The following PTPRU variants were observed in gnomAD, a reference collection of about 807,000 sequenced individuals.
PTPRU encodes the protein receptor-type tyrosine-protein phosphatase U.
Under a neutral mutation model 166.3 loss-of-function variants are expected in PTPRU, and 69 were observed. The ratio of observed to expected loss-of-function variants is 0.41; its 90% confidence interval spans 0.34 to 0.51. PTPRU has a LOEUF of 0.51. PTPRU is among the 20% of genes least tolerant of loss of function. The pLI, the probability that PTPRU is intolerant of heterozygous loss-of-function variation, is 0.09. For synonymous variants in PTPRU, 793 were observed against 814.0 expected (o/e 0.97, Z 0.44); for missense variants, 1,657 against 2,013.7 (o/e 0.82, Z 3.39).
At chr1:29,297,459 G>A (rs1686944409) in intron 15 of PTPRU, among the ~76,000 whole-genome samples, 1 of 152,160 alleles carries the variant, frequency 6.6e-6, no homozygotes, top group Admixed American at 6.5e-5. Context: ...GGCAGAGTCA[G>A]GACTTAAATG....
At chr1:29,298,162 G>A (rs1686974795) in intron 15 of PTPRU, among the ~76,000 whole-genome samples, 1 of 151,744 alleles carries the variant, frequency 6.6e-6, no homozygotes, top group African/African-American at 2.4e-5. Flanking sequence ...GGAGGCTGAG[G>A]CACAAGAATT....
chr1:29,251,386 G>C (rs1263417455), intron 1 of PTPRU, among the ~76,000 whole-genome samples: 1 of 152,198 alleles, frequency 6.6e-6, no homozygotes, highest in Non-Finnish European at 1.5e-5. Context: ...ACTGTGGCTG[G>C]GGTGTGCAGG....
intron 1 of PTPRU, among the ~76,000 whole-genome samples, chr1:29,251,081 C>T (rs1021625682): frequency 8.5e-5 from 13 of 152,138 alleles, no homozygotes; most frequent in African/African-American, 2.2e-4. Flanking sequence ...GTGACATCCC[C>T]ATCTCTACTA....
Position 29,259,285 on chromosome 1 carries a change from C to G in PTPRU, c.502C>G (p.Pro168Ala), listed in dbSNP as rs766389325. 7 of 1,614,068 alleles carry G rather than the reference C, an allele frequency of 4.3e-6. No individual in the cohort carries two copies. The East Asian group carries it at 1.3e-4, about 31-fold the overall frequency. The change falls in exon 4 of 30, where the codon CCA becomes GCA. Residue 168 changes from proline to alanine, a missense_variant. Transcript: ENST00000373779. The stretch of plus-strand genomic sequence containing the variant: ...GGTGCTGTTTGAGGCCCTCATCTCC[C>G]CAGACCGCAGGGGCTACATGGGCCT... ...YQVLFEALIS[P>A]DRRGYMGLDD...
Position 29,325,824 on chromosome 1 carries a change from G to A in PTPRU, c.*163G>A. On this transcript the variant is annotated 3_prime_UTR_variant, in exon 30 of 30. Coordinates refer to ENST00000373779, the MANE Select transcript of PTPRU (RefSeq NM_133178.4). ...TTGCTCCCCCTTCCACTGTGGGCAG[G>A]GCCTTTCGCTTGTCCCATGGGCGGG... The A allele has an allele frequency of 1.3e-6, 1 of 795,064 alleles. No homozygotes were observed. The highest frequency in any genetic ancestry group is 2.0e-5 in the South Asian group (1 of 50,438). The allele number at this position is 795,064 out of a possible 1,614,324, so 49.3% of individuals were successfully genotyped here.
chr1:29,301,345 T>A (rs1687124433), intron 15 of PTPRU, among the ~76,000 whole-genome samples: 1 of 152,218 alleles, frequency 6.6e-6, no homozygotes, highest in African/African-American at 2.4e-5. Context: ...GTGCAATGCA[T>A]TATTCACTTG....
intron 7 of PTPRU, among the ~76,000 whole-genome samples, chr1:29,261,722 A>G (rs1281000994): frequency 6.6e-6 from 1 of 152,066 alleles, no homozygotes; most frequent in Non-Finnish European, 1.5e-5. Flanking sequence ...TACTGGAGAC[A>G]GAGTTTCACC....
Position 29,294,008 on chromosome 1 carries a change from T to C in PTPRU, c.2476+1982T>C, listed in dbSNP as rs527663674. ...CATTCTGCCATCCATGGGCATTCGA[T>C]TGGTTTTTAGTTTTCTTGTTATCAC... is the stretch of plus-strand genomic sequence containing the variant. On this transcript the variant is annotated intron_variant, in intron 15 of 29. Coordinates refer to ENST00000373779, the MANE Select transcript of PTPRU (RefSeq NM_133178.4). Among the ~76,000 whole-genome samples the C allele has an allele frequency of 9.8e-5, 15 of 152,324 alleles. No homozygotes were observed. In the East Asian group the frequency reaches 2.5e-3, roughly 25 times the overall value.
At chr1:29,275,420 T>C (rs769676100) in intron 7 of PTPRU, 28 bp from the exon 8 acceptor site, 3 of 1,573,778 alleles carry the variant, frequency 1.9e-6, no homozygotes, top group Non-Finnish European at 2.6e-6. Flanking sequence ...TCTTCTAACT[T>C]CTTCTCTCTG....
intron 1 of PTPRU, among the ~76,000 whole-genome samples, chr1:29,249,177 C>T (rs1036975636): frequency 2.6e-5 from 4 of 152,152 alleles, no homozygotes; most frequent in African/African-American, 4.8e-5. Flanking sequence ...CACACGCACA[C>T]CTGCACACAC....
Position 29,315,560 on chromosome 1 carries a change from C to T in PTPRU, c.3363+53C>T. 6.2e-7 allele frequency: 1 copy of T among 1,608,658 alleles called. No individual in the cohort carries two copies. The highest frequency in any genetic ancestry group is 1.7e-5 in the Admixed American group (1 of 59,990). On this transcript the variant is annotated intron_variant, in intron 23 of 29. Transcript: ENST00000373779. The surrounding 1 kb of genome is among the most constrained non-coding windows in gnomAD (Gnocchi z 4.5). ...ATTATTACTTCTAGGACTGGAGTTT[C>T]TCGTGAAGGATCCTGGAGCCGGCAG... is the stretch of plus-strand genomic sequence containing the variant.
chr1:29,250,637 T>C (rs1476580979), intron 1 of PTPRU, among the ~76,000 whole-genome samples: 2 of 152,230 alleles, frequency 1.3e-5, no homozygotes, highest in Non-Finnish European at 2.9e-5. Context: ...TATATGTGCA[T>C]GTCTGTGCCC....
At position 29,279,599 on chromosome 1, in the gene PTPRU, C is replaced by G; in HGVS notation, c.1707C>G (p.Ala569=). ...CCACCTACCTGTTCTCCGTGCGGGCCCGCACAGGCAAAGGCTTCGGCCAGG... is the reference window on the plus strand; with the variant it reads ...CCACCTACCTGTTCTCCGTGCGGGCGCGCACAGGCAAAGGCTTCGGCCAGG... The part of the protein sequence containing the change: ...PGTTYLFSVR[A]RTGKGFGQAA... Residue 569 remains alanine, a synonymous_variant, in exon 10 of 30, where the codon GCC becomes GCG. Coordinates refer to ENST00000373779, the MANE Select transcript of PTPRU (RefSeq NM_133178.4). This position sits in a 1 kb window ranked among gnomAD's most constrained non-coding sequence, Gnocchi z 5.2. 1 of 1,614,058 alleles carries G rather than the reference C, an allele frequency of 6.2e-7. No homozygotes were observed.
In PTPRU at chr1:29,304,825, A is replaced by G; in HGVS notation, c.2719A>G (p.Ser907Gly). 1 of 1,612,044 alleles carries G rather than the reference A, an allele frequency of 6.2e-7. No homozygotes were observed. Among genetic ancestry groups the G allele is most frequent in the East Asian group, 2.2e-5 (1 of 44,794 alleles). Residue 907 changes from serine (S) to glycine (G), a missense_variant, in exon 17 of 30, where the codon AGC becomes GGC. Ser to Gly is a moderately conservative substitution (Grantham distance 56). This residue lies in a region of PTPRU where 1,190 missense variants were observed against 1,477.4 expected (regional missense o/e 0.81). Transcript: ENST00000373779. ...ATKKKDKVKG[S>G]RQEPMPAYDR... ...AAAGAAGAAAGACAAGGTCAAGGGC[A>G]GCCGGCAGGAGCCAATGCCTGCCTG...
chr1:29,279,941 G>A lies in PTPRU; in HGVS notation c.1766-98G>A, dbSNP rs1685984885. The A allele has an allele frequency of 7.8e-7, 1 of 1,275,062 alleles. No individual in the cohort carries two copies. Among genetic ancestry groups the A allele is most frequent in the African/African-American group, 1.5e-5 (1 of 68,114 alleles). 79.0% of individuals were successfully genotyped at this position (1,275,062 alleles called of 1,614,324 possible). On this transcript the variant is annotated intron_variant, in intron 10 of 29. Coordinates refer to ENST00000373779, the MANE Select transcript of PTPRU (RefSeq NM_133178.4). The surrounding 1 kb of genome is among the most constrained non-coding windows in gnomAD (Gnocchi z 5.2). ...CAGGAACAAAGAGGCTAAGGCTGAA[G>A]TAGGGGAGATCTGAGGACTGTGGTC...
chr1:29,241,066 AC>A (rs1202721636), intron 1 of PTPRU, among the ~76,000 whole-genome samples: 1 of 152,024 alleles, frequency 6.6e-6, no homozygotes, highest in Non-Finnish European at 1.5e-5. Context: ...AGGGGCATGG[AC>A]ACATGTGACC....
intron 1 of PTPRU, among the ~76,000 whole-genome samples, chr1:29,252,675 G>A (rs1285605023): frequency 6.6e-6 from 1 of 152,178 alleles, no homozygotes; most frequent in Non-Finnish European, 1.5e-5. Flanking sequence ...CGCTTGCTGC[G>A]TGTGAAGATG....
intron 15 of PTPRU, among the ~76,000 whole-genome samples, chr1:29,303,341 C>G (rs543249029): frequency 6.6e-6 from 1 of 152,208 alleles, no homozygotes; most frequent in African/African-American, 2.4e-5. Flanking sequence ...CACAGGCTGA[C>G]GGTGGAACTG....
At chr1:29,314,750 G>A (rs982129631) in intron 22 of PTPRU, among the ~76,000 whole-genome samples, 1 of 151,960 alleles carries the variant, frequency 6.6e-6, no homozygotes, top group Non-Finnish European at 1.5e-5. Context: ...GCTATTTTTT[G>A]TATTTTTTGG....
Sources: gnomAD v4.1 joint callset for allele counts (sites outside exome capture counted in the v4.1 genomes callset) on GRCh38, gnomAD v4.1.1 for gene constraint, gnomAD v4.1.1 regional missense constraint, Gnocchi (gnomAD v3.1) non-coding constraint, MANE v1.5 for transcripts, NCBI Gene and HGNC (gene_info 2026-07-23, HGNC 2026-07-21) for gene names.